COL25A1: variants seen among roughly 807,000 people sequenced by gnomAD.
COL25A1 encodes collagen type XXV alpha 1 chain.
A neutral mutation model predicts 128.4 loss-of-function variants in COL25A1; 103 were observed. The ratio of observed to expected loss-of-function variants is 0.80; its 90% confidence interval spans 0.68 to 0.94. The LOEUF (loss-of-function observed/expected upper bound fraction) is 0.94, where lower values mean the gene tolerates loss of function less well. COL25A1 is among the 40% of genes least tolerant of loss of function. The pLI is 0.00. For synonymous variants in COL25A1, 279 were observed against 277.2 expected (o/e 1.01, Z -0.06); for missense variants, 745 against 840.0 (o/e 0.89, Z 1.40).
intron 17 of COL25A1, 42 bp from the exon 18 acceptor site, chr4:108,889,298 G>A: frequency 1.2e-6 from 2 of 1,607,258 alleles, no homozygotes; most frequent in Non-Finnish European, 1.7e-6. Flanking sequence ...AGTCTTAAAA[G>A]AATTTTCTAA....
At position 109,296,206 on chromosome 4, in the gene COL25A1, G is replaced by A. The variant is rs78222513; in HGVS notation, c.367+4377C>T. 8.1e-3 allele frequency among the ~76,000 whole-genome samples: 1,234 copies of A among 152,014 alleles called. 43 individuals carry two copies. In the South Asian group the frequency reaches 0.13, roughly 16 times the overall value. On this transcript the variant is annotated intron_variant, in intron 3 of 37. Coordinates refer to ENST00000399132, the MANE Select transcript of COL25A1 (RefSeq NM_198721.4). ...TTCATAAATTCTTGGAGACCTAAAA[G>A]GCAAATCAGCTTTTTATCCATTGCT...
intron 5 of COL25A1, among the ~76,000 whole-genome samples, chr4:109,010,727 T>G (rs907037759): frequency 1.6e-4 from 24 of 152,216 alleles, no homozygotes; most frequent in Non-Finnish European, 3.2e-4. Flanking sequence ...CAGCATAGGC[T>G]GTGAGCCCAA....
chr4:108,855,882 G>A (rs143499729), intron 24 of COL25A1, among the ~76,000 whole-genome samples: 205 of 152,236 alleles, frequency 1.3e-3, no homozygotes, highest in African/African-American at 4.7e-3. Flanking sequence ...GGCTCACTGT[G>A]CATTTCTTAT....
chr4:108,871,720 C>T (rs1738741032), intron 19 of COL25A1, among the ~76,000 whole-genome samples: 12 of 152,142 alleles, frequency 7.9e-5, no homozygotes, highest in Admixed American at 7.2e-4. Context: ...CTTCTTATTT[C>T]GATTTATTCA....
intron 8 of COL25A1, among the ~76,000 whole-genome samples, chr4:108,950,730 C>T (rs1749323819): frequency 6.6e-6 from 1 of 152,098 alleles, no homozygotes; most frequent in African/African-American, 2.4e-5. Context: ...GTGATGAGAA[C>T]AAGAGAGATG....
intron 8 of COL25A1, among the ~76,000 whole-genome samples, chr4:108,961,606 G>GTTCTGTTCTGTTCTT (rs1750701630): frequency 6.6e-6 from 1 of 151,932 alleles, no homozygotes; most frequent in South Asian, 2.1e-4. Flanking sequence ...GTTCTGTTCT[G>GTTCTGTTCTGTTCTT]TTCTGTTCTG....
chr4:108,890,306 T>G (rs990109405), intron 16 of COL25A1, among the ~76,000 whole-genome samples: 2 of 152,206 alleles, frequency 1.3e-5, no homozygotes, highest in Non-Finnish European at 2.9e-5. Context: ...GGCACGTTTT[T>G]TCCAGCTTTA....
At chr4:108,829,416 TATCTATCTATCTATCTATC>T (rs1732802983) in intron 32 of COL25A1, among the ~76,000 whole-genome samples, 1 of 151,902 alleles carries the variant, frequency 6.6e-6, no homozygotes, top group Non-Finnish European at 1.5e-5. Context: ...TCTATCTATC[TATCTATCTATCTATCTATC>T]ATCTATCTAT....
At chr4:109,291,732 T>A (rs535491629) in intron 3 of COL25A1, among the ~76,000 whole-genome samples, 400 of 152,094 alleles carry the variant, frequency 2.6e-3, no homozygotes, top group Non-Finnish European at 4.2e-3. Flanking sequence ...CACAGAAAAT[T>A]GTCATTAAAA....
At chr4:108,910,570 C>T (rs901680148) in intron 13 of COL25A1, among the ~76,000 whole-genome samples, 5 of 152,114 alleles carry the variant, frequency 3.3e-5, no homozygotes, top group Non-Finnish European at 5.9e-5. Context: ...AAACACTGAG[C>T]GGCAAAGCTA....
At chr4:109,069,970 T>TA (rs66826991) in intron 3 of COL25A1, among the ~76,000 whole-genome samples, 2 of 54,310 alleles carry the variant, frequency 3.7e-5, no homozygotes, top group African/African-American at 1.0e-4. Context: ...GAGCAATAAT[T>TA]TTTTTTTTTT....
At chr4:109,263,224 G>C (rs1053092331) in intron 3 of COL25A1, among the ~76,000 whole-genome samples, 10 of 152,282 alleles carry the variant, frequency 6.6e-5, no homozygotes, top group Admixed American at 5.2e-4. Flanking sequence ...ATATCATGTT[G>C]GGGAGTTGCT....
At chr4:109,021,243 G>C (rs1757720563) in intron 5 of COL25A1, among the ~76,000 whole-genome samples, 1 of 152,224 alleles carries the variant, frequency 6.6e-6, no homozygotes, top group East Asian at 1.9e-4. Flanking sequence ...TGAAACTCAA[G>C]ATAACTGCCC....
chr4:109,271,127 T>C (rs1483108734), intron 3 of COL25A1, among the ~76,000 whole-genome samples: 1 of 152,182 alleles, frequency 6.6e-6, no homozygotes, highest in Non-Finnish European at 1.5e-5. Context: ...CAATGGAAAA[T>C]AATCAAGATT....
intron 8 of COL25A1, among the ~76,000 whole-genome samples, chr4:108,962,521 A>G (rs1750845381): frequency 6.6e-6 from 1 of 152,072 alleles, no homozygotes; most frequent in Non-Finnish European, 1.5e-5. Flanking sequence ...CCTGAAGCTG[A>G]CTAAAATACC....
At chr4:109,022,049 CT>C in intron 5 of COL25A1, 1 of 400,842 alleles carries the variant, frequency 2.5e-6, no homozygotes, top group Non-Finnish European at 5.0e-6. Context: ...TTCACTCTGC[CT>C]TTTGCCCCTT....
At chr4:109,292,264 C>G (rs890175937) in intron 3 of COL25A1, among the ~76,000 whole-genome samples, 1 of 152,034 alleles carries the variant, frequency 6.6e-6, no homozygotes, top group African/African-American at 2.4e-5. Flanking sequence ...CATATAATTT[C>G]ATTTTTAAAA....
rs543470095 is a variant in COL25A1, at chr4:109,287,447, T to A, written c.367+13136A>T. ...ACCTTTCACCTTTGCCAGAGTCGAC[T>A]GGCATTAGGTAATACCAGAGGTCAG... On this transcript the variant is annotated intron_variant, in intron 3 of 37. Coordinates refer to ENST00000399132, the MANE Select transcript of COL25A1 (RefSeq NM_198721.4). Among the ~76,000 whole-genome samples the A allele has an allele frequency of 2.6e-5, 4 of 152,326 alleles. No individual in the cohort carries two copies. The South Asian group carries it at 8.3e-4, about 32-fold the overall frequency.
intron 19 of COL25A1, among the ~76,000 whole-genome samples, chr4:108,883,933 T>C (rs1560801926): frequency 6.6e-6 from 1 of 152,154 alleles, no homozygotes; most frequent in East Asian, 1.9e-4. Flanking sequence ...TGAAGGGACA[T>C]TTACATTTAT....
Sources: gnomAD v4.1 joint callset for allele counts (sites outside exome capture counted in the v4.1 genomes callset) on GRCh38, gnomAD v4.1.1 for gene constraint, MANE v1.5 for transcripts, NCBI Gene and HGNC (gene_info 2026-07-23, HGNC 2026-07-21) for gene names.